The following KDM5D variants were observed in gnomAD, a reference collection of about 807,000 sequenced individuals.
KDM5D encodes lysine demethylase 5D.
In KDM5D, 25 loss-of-function variants were observed where a neutral mutation model predicts 31.9. That is an observed-to-expected ratio of 0.78 (90% CI 0.57 to 1.09). The LOEUF is 1.09. Ranked by LOEUF, KDM5D falls within the 50% of genes least tolerant of loss-of-function variation. The probability of loss-of-function intolerance (pLI) is 0.00; values close to 1 mark genes in which losing one functional copy is unlikely to be tolerated. For missense variants in KDM5D, 366 were observed against 341.6 expected, an observed-to-expected ratio of 1.07 and a Z score of -0.56; for synonymous variants, 146 against 122.3, an observed-to-expected ratio of 1.19 and a Z score of -1.28.
Position 19,744,538 on chromosome Y carries a change from G to C in KDM5D, c.-4C>G. On this transcript the variant is annotated 5_prime_UTR_variant, in exon 2 of 27. Transcript: ENST00000317961. ...ACTCGTCACACCCCGGTTCCATGTCGGGCCTTAATGCTAAGCTGTAAAATA... is the reference window on the plus strand; with the variant it reads ...ACTCGTCACACCCCGGTTCCATGTCCGGCCTTAATGCTAAGCTGTAAAATA... 1 of 390,836 alleles carries C rather than the reference G, an allele frequency of 2.6e-6. No homozygotes were observed. The highest frequency in any genetic ancestry group is 3.0e-5 in the South Asian group (1 of 33,197).
chrY:19,740,422 T>C, intron 5 of KDM5D, among the ~76,000 whole-genome samples: 3 of 31,321 alleles, frequency 9.6e-5, no homozygotes. Flanking sequence ...CAAAAATGAG[T>C]GGGCATAGTC....
chrY:19,734,725 T>A, intron 8 of KDM5D, among the ~76,000 whole-genome samples: 1 of 32,856 alleles, frequency 3.0e-5, no homozygotes. Flanking sequence ...AAAACAGAAG[T>A]CTGTTTGAGA....
At position 19,704,462 on chromosome Y, in the gene KDM5D, T is replaced by C; in HGVS notation, c.*1533A>G. The stretch of plus-strand genomic sequence containing the variant: ...CACTGTACTTGGACAGGTGAAGCAA[T>C]TTCTACTCTACTAGGTCATCACCAA... On this transcript the variant is annotated 3_prime_UTR_variant, in exon 27 of 27. Coordinates refer to ENST00000317961, the MANE Select transcript of KDM5D (RefSeq NM_004653.5). 3.0e-5 allele frequency: 1 copy of C among 33,374 alleles called. No homozygotes were observed. The highest frequency in any genetic ancestry group is 7.9e-4 in the East Asian group (1 of 1,269). 8.3% of individuals were successfully genotyped at this position (33,374 alleles called of 400,897 possible). A position where few individuals can be genotyped will look rare whatever the true frequency, so the allele number is the denominator to read the frequency against.
chrY:19,727,214 T>C (rs929867662), intron 11 of KDM5D, among the ~76,000 whole-genome samples: 1 of 33,324 alleles, frequency 3.0e-5, no homozygotes, highest in Non-Finnish European at 7.4e-5. Flanking sequence ...GGTCTTTAAC[T>C]TACAACGTGA....
At chrY:19,724,249 A>C in intron 11 of KDM5D, among the ~76,000 whole-genome samples, 1 of 33,061 alleles carries the variant, frequency 3.0e-5, no homozygotes, top group Non-Finnish European at 7.4e-5. Context: ...ACTAATGGGT[A>C]CTAGGCTTAA....
Position 19,739,554 on chromosome Y carries a change from G to C in KDM5D, c.631C>G (p.Arg211Gly), listed in dbSNP as rs369689683. 1 of 393,339 alleles carries C rather than the reference G, an allele frequency of 2.5e-6. No individual in the cohort carries two copies. The highest frequency in any genetic ancestry group is 6.4e-5 in the African/African-American group (1 of 15,577). The change falls in exon 6 of 27, where the codon CGA becomes GGA. Residue 211 changes from arginine (R) to glycine (G), a missense_variant. Coordinates refer to ENST00000317961, the MANE Select transcript of KDM5D (RefSeq NM_004653.5). ...TCAGGCTGTAGCCTTTTTGCCCGTC[G>C]ACTGTAGCTGCTGAACTTTGAAGGC... The part of the protein sequence containing the change: ...VQPSKFSSYS[R>G]RAKRLQPDPE...
At chrY:19,734,280 T>C (rs2045491844) in intron 8 of KDM5D, among the ~76,000 whole-genome samples, 3 of 33,644 alleles carry the variant, frequency 8.9e-5, no homozygotes, top group African/African-American at 3.5e-4. Flanking sequence ...TAGCCAAAAA[T>C]TGGTAACTAC....
chrY:19,722,673 GAACA>G, intron 11 of KDM5D, among the ~76,000 whole-genome samples: 1 of 29,870 alleles, frequency 3.3e-5, no homozygotes, highest in Non-Finnish European at 8.1e-5. Context: ...GTAAGAAACT[GAACA>G]AATACAATAG....
Position 19,707,347 on chromosome Y carries a change from A to C in KDM5D, c.3799T>G (p.Cys1267Gly). Residue 1267 changes from cysteine to glycine, a missense_variant, in exon 24 of 27, where the codon TGT (cysteine) becomes GGT (glycine). By Grantham distance (159) the Cys-to-Gly change is radical. Coordinates refer to ENST00000317961, the MANE Select transcript of KDM5D (RefSeq NM_004653.5). ...VRLPEGEALQ[C>G]LTERAIGWQD... Reference sequence around the variant, plus strand: ...CAGCCAATGGCCCTCTCTGTGAGACACTGAAGGGCCTCACCCTCAGGCAGC... The same window carrying C: ...CAGCCAATGGCCCTCTCTGTGAGACCCTGAAGGGCCTCACCCTCAGGCAGC... 1 of 395,278 alleles carries C rather than the reference A, an allele frequency of 2.5e-6. No individual in the cohort carries two copies. The highest frequency in any genetic ancestry group is 3.0e-5 in the South Asian group (1 of 33,033).
At chrY:19,716,529 C>T (rs369869436) in intron 14 of KDM5D, 56 bp from the exon 15 acceptor site, 1 of 392,082 alleles carries the variant, frequency 2.6e-6, no homozygotes, top group East Asian at 9.3e-5. Flanking sequence ...TGCATAGCTT[C>T]TCCACAATAA....
intron 1 of KDM5D, 46 bp downstream of exon 1, chrY:19,744,625 A>C (rs2045585989): frequency 5.0e-6 from 1 of 199,549 alleles, no homozygotes; most frequent in Non-Finnish European, 8.1e-6. Context: ...TGAAAATTTC[A>C]TTTTCTTGAG....
intron 5 of KDM5D, among the ~76,000 whole-genome samples, chrY:19,740,503 G>A: frequency 6.1e-5 from 2 of 32,903 alleles, no homozygotes; most frequent in African/African-American, 2.4e-4. Context: ...GGTGGAGGCC[G>A]CCTGGCCAGA....
intron 21 of KDM5D, 38 bp downstream of exon 21, chrY:19,708,837 C>T (rs1290559657): frequency 2.6e-6 from 1 of 384,686 alleles, no homozygotes; most frequent in South Asian, 3.0e-5. Context: ...CTTCTAACTG[C>T]TGGCCTGACG....
At chrY:19,720,846 A>C in intron 13 of KDM5D, 26 bp downstream of exon 13, 1 of 387,468 alleles carries the variant, frequency 2.6e-6, no homozygotes, top group Non-Finnish European at 3.7e-6. Flanking sequence ...AAGAAAATTA[A>C]AATTGTTTTG....
chrY:19,738,886 G>C, intron 6 of KDM5D, among the ~76,000 whole-genome samples: 1 of 34,012 alleles, frequency 2.9e-5, no homozygotes, highest in Non-Finnish European at 7.3e-5. Context: ...TTCTTATCCT[G>C]CTCTGTCTTG....
intron 18 of KDM5D, among the ~76,000 whole-genome samples, chrY:19,713,314 A>G (rs764043546): frequency 2.9e-5 from 1 of 34,102 alleles, no homozygotes; most frequent in South Asian, 6.5e-4. Context: ...AGTCCTAATT[A>G]AAGAGCTCCT....
Position 19,716,307 on chromosome Y carries a change from C to T in KDM5D, c.2003G>A (p.Arg668Gln), listed in dbSNP as rs1426466778. ...CTCCAAAAGGGCCTTTCGTAGACGT[C>T]GCTCCTCCTGAACCATAATGAACAT... ...KEMFIMVQEE[R>Q]RLRKALLEKG... The change falls in exon 15 of 27, where the codon CGA (arginine) becomes CAA (glutamine). Residue 668 changes from arginine to glutamine, a missense_variant. Physicochemically the swap from Arg to Gln is conservative, Grantham distance 43. Transcript: ENST00000317961. The T allele has an allele frequency of 3.0e-5, 12 of 397,211 alleles. No homozygotes were observed. The Admixed American group carries it at 6.7e-4, about 22-fold the overall frequency.
Position 19,721,123 on chromosome Y carries a change from T to C in KDM5D, c.1553+7A>G. Reference sequence around the variant, plus strand: ...ATATCCAACTGAGCCATTGGGGTCATGCTCACCAATGCAGATAGTTAATAG... The same window carrying C: ...ATATCCAACTGAGCCATTGGGGTCACGCTCACCAATGCAGATAGTTAATAG... On this transcript the variant is annotated splice_region_variant and intron_variant, in intron 12 of 26. Transcript: ENST00000317961. The C allele has an allele frequency of 2.5e-6, 1 of 395,905 alleles. No individual in the cohort carries two copies. The highest frequency in any genetic ancestry group is 3.6e-6 in the Non-Finnish European group (1 of 280,855).
intron 2 of KDM5D, among the ~76,000 whole-genome samples, chrY:19,743,973 T>C (rs775436192): frequency 3.0e-5 from 1 of 33,798 alleles, no homozygotes; most frequent in Admixed American, 2.7e-4. Context: ...ATTTGCTACA[T>C]ACATCTAAGG....
Sources: gnomAD v4.1 joint callset for allele counts (sites outside exome capture counted in the v4.1 genomes callset) on GRCh38, gnomAD v4.1.1 for gene constraint, MANE v1.5 for transcripts, NCBI Gene and HGNC (gene_info 2026-07-23, HGNC 2026-07-21) for gene names.